Variants in NBEA observed in about 807,000 individuals in gnomAD.
The protein encoded by NBEA is lysosomal-trafficking regulator 2.
A neutral mutation model predicts 343.4 loss-of-function variants in NBEA; 44 were observed. That is an observed-to-expected ratio of 0.13 (90% CI 0.10 to 0.16). The LOEUF (loss-of-function observed/expected upper bound fraction) is 0.16, where lower values mean the gene tolerates loss of function less well. NBEA is among the 10% of genes least tolerant of loss of function. The pLI, the probability that NBEA is intolerant of heterozygous loss-of-function variation, is 1.00. For missense variants in NBEA, 2,555 were observed against 3,631.3 expected, an observed-to-expected ratio of 0.70 and a Z score of 7.62; for synonymous variants, 1,175 against 1,238.7, an observed-to-expected ratio of 0.95 and a Z score of 1.08.
At chr13:35,438,299 G>A (rs1251498892) in intron 39 of NBEA, among the ~76,000 whole-genome samples, 3 of 152,198 alleles carry the variant, frequency 2.0e-5, no homozygotes, top group Non-Finnish European at 4.4e-5. Flanking sequence ...ATAAAAAGCA[G>A]CTCTGTAATG....
chr13:35,670,441 C>T (rs1372286719), intron 58 of NBEA, among the ~76,000 whole-genome samples: 3 of 152,168 alleles, frequency 2.0e-5, no homozygotes, highest in East Asian at 1.9e-4. Context: ...CAGAATGAGA[C>T]GTCGTTGCCT....
chr13:35,470,552 G>A (rs2075596674), intron 40 of NBEA, among the ~76,000 whole-genome samples: 1 of 152,110 alleles, frequency 6.6e-6, no homozygotes, highest in South Asian at 2.1e-4. Flanking sequence ...GAGGTTTTTA[G>A]CAATGCCCAA....
At chr13:35,564,338 C>G (rs1375298570) in intron 44 of NBEA, among the ~76,000 whole-genome samples, 1 of 151,772 alleles carries the variant, frequency 6.6e-6, no homozygotes, top group African/African-American at 2.4e-5. Context: ...AAAATATACA[C>G]TGGAATACTT....
chr13:35,414,399 G>C (rs2043775841), intron 38 of NBEA, among the ~76,000 whole-genome samples: 1 of 150,684 alleles, frequency 6.6e-6, no homozygotes, highest in Admixed American at 6.6e-5. Context: ...CCTCACGACA[G>C]GCCCCAGTGT....
chr13:35,473,775 T>C (rs986973596), intron 41 of NBEA, among the ~76,000 whole-genome samples: 7 of 152,184 alleles, frequency 4.6e-5, no homozygotes, highest in Admixed American at 4.6e-4. Flanking sequence ...TAAAATAAGG[T>C]TTGACATAAA....
chr13:35,567,782 A>G (rs1366183897), intron 45 of NBEA, among the ~76,000 whole-genome samples: 2 of 152,216 alleles, frequency 1.3e-5, no homozygotes, highest in Non-Finnish European at 2.9e-5. Context: ...TTGTGTATAC[A>G]TTTGGTTTTA....
intron 1 of NBEA, 81 bp downstream of exon 1, chr13:34,943,195 C>A: frequency 6.5e-7 from 1 of 1,529,222 alleles, no homozygotes; most frequent in Non-Finnish European, 8.9e-7. Context: ...CCACCCTTCA[C>A]CCCCAGGGTC....
chr13:35,335,770 C>T (rs2039216237), intron 36 of NBEA, among the ~76,000 whole-genome samples: 1 of 151,830 alleles, frequency 6.6e-6, no homozygotes, highest in South Asian at 2.1e-4. Flanking sequence ...GCAAATAGTG[C>T]GTTAACCAAA....
intron 44 of NBEA, among the ~76,000 whole-genome samples, chr13:35,566,475 A>G (rs73171577): frequency 0.082 from 12,441 of 152,302 alleles, 787 homozygotes; most frequent in East Asian, 0.31. Context: ...TCTGACTGGC[A>G]AGGCTCTGCT....
chr13:35,507,409 T>C (rs1249390598), intron 41 of NBEA, among the ~76,000 whole-genome samples: 2 of 152,164 alleles, frequency 1.3e-5, no homozygotes, highest in Non-Finnish European at 2.9e-5. Flanking sequence ...CCTGACTCTC[T>C]TTCTTGAACT....
chr13:35,118,503 A>C, intron 16 of NBEA, 29 bp downstream of exon 16: 1 of 1,480,608 alleles, frequency 6.8e-7, no homozygotes, highest in South Asian at 1.2e-5. Context: ...TATTACTATT[A>C]GACTTTAATG....
chr13:34,964,608 T>A (rs1479859366), intron 1 of NBEA, among the ~76,000 whole-genome samples: 1 of 151,812 alleles, frequency 6.6e-6, no homozygotes, highest in Non-Finnish European at 1.5e-5. Context: ...CTATTGAGAG[T>A]GATGTTGGGG....
intron 48 of NBEA, among the ~76,000 whole-genome samples, chr13:35,612,158 A>G (rs1324247064): frequency 6.6e-6 from 1 of 150,386 alleles, no homozygotes; most frequent in Non-Finnish European, 1.5e-5. Context: ...TTTGAGACAG[A>G]GTCTCGCTCT....
At chr13:35,538,542 G>T (rs890471791) in intron 41 of NBEA, among the ~76,000 whole-genome samples, 2 of 152,176 alleles carry the variant, frequency 1.3e-5, no homozygotes, top group Non-Finnish European at 2.9e-5. Flanking sequence ...TAACTAAGCG[G>T]CACAGCAGCA....
intron 11 of NBEA, among the ~76,000 whole-genome samples, chr13:35,103,771 C>CT (rs1024390981): frequency 6.6e-6 from 1 of 151,744 alleles, no homozygotes; most frequent in African/African-American, 2.4e-5. Context: ...TTTGACTCTA[C>CT]TTTTTTTGCG....
chr13:35,537,454 A>G (rs1485220947), intron 41 of NBEA, among the ~76,000 whole-genome samples: 1 of 150,702 alleles, frequency 6.6e-6, no homozygotes, highest in Non-Finnish European at 1.5e-5. Flanking sequence ...ATAGAGATAC[A>G]GTAATGAGAA....
Position 35,243,129 on chromosome 13 carries a change from CAT to C in NBEA, c.5776+10512_5776+10513del, listed in dbSNP as rs1347785119. Among the ~76,000 whole-genome samples the C allele has an allele frequency of 3.3e-5, 5 of 151,852 alleles. No individual in the cohort carries two copies. The East Asian group carries it at 9.6e-4, about 29-fold the overall frequency. ...AAGATATGACTTGTGACATAAGTAA[CAT>C]AACTTGTGCAGATGACTGAGCTGTA... is the stretch of plus-strand genomic sequence containing the variant. On this transcript the variant is annotated intron_variant, in intron 34 of 58. Coordinates refer to ENST00000379939, the MANE Select transcript of NBEA (RefSeq NM_001385012.1).
intron 36 of NBEA, among the ~76,000 whole-genome samples, chr13:35,319,633 A>T (rs2037997601): frequency 6.6e-6 from 1 of 152,208 alleles, no homozygotes; most frequent in African/African-American, 2.4e-5. Flanking sequence ...GCTGAATTTA[A>T]GTCCTGAACA....
intron 38 of NBEA, among the ~76,000 whole-genome samples, chr13:35,423,350 T>A (rs1157062477): frequency 6.6e-6 from 1 of 152,206 alleles, no homozygotes; most frequent in Non-Finnish European, 1.5e-5. Context: ...AGGGATCCAG[T>A]TTCAGCTTTC....
Sources: allele counts gnomAD v4.1 joint callset (sites outside exome capture counted in the v4.1 genomes callset), GRCh38; gene constraint gnomAD v4.1.1; transcripts MANE v1.5; gene names NCBI Gene and HGNC (gene_info 2026-07-23, HGNC 2026-07-21).